The following MLLT10 variants were observed in gnomAD, a reference collection of about 807,000 sequenced individuals.
The protein encoded by MLLT10 is MLLT10 histone lysine methyltransferase DOT1L cofactor.
MLLT10 carries 30 observed loss-of-function variants against 129.1 expected under a neutral mutation model. That is an observed-to-expected ratio of 0.23 (90% CI 0.17 to 0.32). The LOEUF (loss-of-function observed/expected upper bound fraction) is 0.32, where lower values mean the gene tolerates loss of function less well. MLLT10 is among the 10% of genes least tolerant of loss of function. The probability of loss-of-function intolerance (pLI) is 1.00; values close to 1 mark genes in which losing one functional copy is unlikely to be tolerated. For missense variants in MLLT10, 1,119 were observed against 1,268.3 expected, an observed-to-expected ratio of 0.88 and a Z score of 1.79; for synonymous variants, 490 against 446.4, an observed-to-expected ratio of 1.10 and a Z score of -1.23.
intron 8 of MLLT10, among the ~76,000 whole-genome samples, chr10:21,631,256 G>T (rs1239042366): frequency 6.8e-6 from 1 of 146,866 alleles, no homozygotes; most frequent in African/African-American, 2.5e-5. Flanking sequence ...GGAGCTTGTA[G>T]TGAGCCGAGA....
chr10:21,603,834 T>A (rs1450890426), intron 5 of MLLT10, among the ~76,000 whole-genome samples: 1 of 151,898 alleles, frequency 6.6e-6, no homozygotes, highest in East Asian at 1.9e-4. Flanking sequence ...TTTGTTTTTT[T>A]TTTTTTAATC....
At chr10:21,557,261 A>T (rs1210974822) in intron 3 of MLLT10, 3 of 897,938 alleles carry the variant, frequency 3.3e-6, no homozygotes, top group Non-Finnish European at 4.2e-6. Context: ...GTAATAGTTT[A>T]TGAAATCTGT....
intron 11 of MLLT10, among the ~76,000 whole-genome samples, chr10:21,678,789 C>G (rs2052446757): frequency 6.6e-6 from 1 of 152,066 alleles, no homozygotes; most frequent in African/African-American, 2.4e-5. Flanking sequence ...CTAATATAAT[C>G]TCTTATTTGA....
rs771914925 is a variant in MLLT10, at chr10:21,673,566, C to T, written c.1268C>T (p.Thr423Ile). The part of the protein sequence containing the change: ...SFSTLIGLPS[T>I]SAVTSQPKSF... ...AGTACCTTAATTGGCCTCCCTTCAA[C>T]CTCAGCTGTTACTTCACAGCCTAAA... Residue 423 changes from threonine to isoleucine, a missense_variant, in exon 11 of 23, where the codon ACC becomes ATC. Thr to Ile is a moderately conservative substitution (Grantham distance 89). Transcript: ENST00000307729. 4 of 1,613,160 alleles carry T rather than the reference C, an allele frequency of 2.5e-6. No individual in the cohort carries two copies. Among genetic ancestry groups the T allele is most frequent in the Non-Finnish European group, 3.4e-6 (4 of 1,179,706 alleles).
chr10:21,696,363 AT>A, intron 13 of MLLT10, among the ~76,000 whole-genome samples: 1 of 151,638 alleles, frequency 6.6e-6, no homozygotes, highest in Non-Finnish European at 1.5e-5. Flanking sequence ...ATGTGCCCTC[AT>A]TTTTAGGTAA....
chr10:21,622,058 TA>T (rs1331336066), intron 8 of MLLT10, among the ~76,000 whole-genome samples: 1 of 152,056 alleles, frequency 6.6e-6, no homozygotes, highest in Admixed American at 6.5e-5. Context: ...GGTTAGGTAC[TA>T]ACTGTAGTGC....
intron 3 of MLLT10, among the ~76,000 whole-genome samples, chr10:21,574,705 G>A (rs915251648): frequency 1.3e-5 from 2 of 152,140 alleles, no homozygotes; most frequent in African/African-American, 4.8e-5. Context: ...GACTATATAG[G>A]GTAACTTCCT....
chr10:21,606,328 A>G (rs1564495798), intron 5 of MLLT10, among the ~76,000 whole-genome samples: 1 of 152,220 alleles, frequency 6.6e-6, no homozygotes, highest in Admixed American at 6.5e-5. Flanking sequence ...CCTGCTAACA[A>G]CATCCATCCT....
chr10:21,742,821 G>GGA lies in MLLT10; in HGVS notation c.*839_*840dup, dbSNP rs1833840852. On this transcript the variant is annotated 3_prime_UTR_variant, in exon 23 of 23. Transcript: ENST00000307729. ...TGCAAGGGCTGTAGACAGCAGGGTG[G>GGA]GACAGTCAGTCCTCCGAGCAGCAGG... 4.4e-6 allele frequency: 1 copy of GGA among 227,776 alleles called. No individual in the cohort carries two copies. The highest frequency in any genetic ancestry group is 8.7e-6 in the Non-Finnish European group (1 of 114,748). The allele number at this position is 227,776 out of a possible 1,614,324, so 14.1% of individuals were successfully genotyped here.
chr10:21,728,120 T>G (rs886982980), intron 16 of MLLT10, among the ~76,000 whole-genome samples, 192 bp downstream of exon 16: 6 of 152,242 alleles, frequency 3.9e-5, no homozygotes, highest in Non-Finnish European at 7.3e-5. Flanking sequence ...GATTTCTAAG[T>G]AAAACAAATC....
chr10:21,609,516 A>G (rs1027094997), intron 5 of MLLT10, among the ~76,000 whole-genome samples: 8 of 152,206 alleles, frequency 5.3e-5, no homozygotes, highest in Non-Finnish European at 1.2e-4. Flanking sequence ...TAGGTTCGTC[A>G]CAAATCCTGA....
At chr10:21,692,382 C>G (rs764142327) in intron 13 of MLLT10, among the ~76,000 whole-genome samples, 2 of 151,980 alleles carry the variant, frequency 1.3e-5, no homozygotes, top group Non-Finnish European at 2.9e-5. Context: ...GTTGCCCAGA[C>G]TGGTTTCAAA....
intron 8 of MLLT10, among the ~76,000 whole-genome samples, chr10:21,618,784 G>A (rs909664912): frequency 3.3e-5 from 5 of 151,980 alleles, no homozygotes; most frequent in East Asian, 2.0e-4. Flanking sequence ...CCAGGCTAGA[G>A]TGCAGTGGCG....
chr10:21,547,403 CT>C (rs756393852), intron 3 of MLLT10, among the ~76,000 whole-genome samples: 465 of 119,140 alleles, frequency 3.9e-3, no homozygotes, highest in Middle Eastern at 6.4e-3. Context: ...CTGCTGTTTT[CT>C]TTTTTTTTTT....
chr10:21,717,367 G>A (rs950107037), intron 14 of MLLT10, among the ~76,000 whole-genome samples: 2 of 127,662 alleles, frequency 1.6e-5, no homozygotes, highest in African/African-American at 5.8e-5. Flanking sequence ...GATTTGTGCT[G>A]GGAAAAGGAG....
At chr10:21,621,391 C>T (rs1238709174) in intron 8 of MLLT10, among the ~76,000 whole-genome samples, 1 of 151,420 alleles carries the variant, frequency 6.6e-6, no homozygotes, top group Non-Finnish European at 1.5e-5. Flanking sequence ...ATTATAGGCG[C>T]CCGCCAACAC....
intron 8 of MLLT10, among the ~76,000 whole-genome samples, chr10:21,646,674 A>T (rs1050240270): frequency 6.6e-6 from 1 of 152,166 alleles, no homozygotes; most frequent in African/African-American, 2.4e-5. Flanking sequence ...CTAATTATAC[A>T]TACTGATTCA....
intron 13 of MLLT10, among the ~76,000 whole-genome samples, chr10:21,709,792 G>C (rs952831625): frequency 6.6e-6 from 1 of 151,714 alleles, no homozygotes; most frequent in Non-Finnish European, 1.5e-5. Flanking sequence ...ACTGAGGCTG[G>C]AGTGCAGTGG....
chr10:21,596,136 T>C (rs2042997335), intron 5 of MLLT10, among the ~76,000 whole-genome samples: 1 of 152,160 alleles, frequency 6.6e-6, no homozygotes, highest in African/African-American at 2.4e-5. Context: ...TTAATATTTA[T>C]TTTAAAAACT....
Sources: allele counts gnomAD v4.1 joint callset (sites outside exome capture counted in the v4.1 genomes callset), GRCh38; gene constraint gnomAD v4.1.1; transcripts MANE v1.5; gene names NCBI Gene and HGNC (gene_info 2026-07-23, HGNC 2026-07-21).